FAXDC2: variants seen among roughly 807,000 people sequenced by gnomAD.
FAXDC2 encodes the protein fatty acid hydroxylase domain containing 2.
FAXDC2 carries 41 observed loss-of-function variants against 40.9 expected under a neutral mutation model. That is an observed-to-expected ratio of 1.00 (90% CI 0.78 to 1.30). The LOEUF (loss-of-function observed/expected upper bound fraction) is 1.30. Ranked by LOEUF, FAXDC2 falls within the 50% of genes most tolerant of loss-of-function variation. FAXDC2 has a pLI of 0.00. For synonymous variants in FAXDC2, 157 were observed against 149.3 expected (o/e 1.05, Z -0.38); for missense variants, 390 against 408.8 (o/e 0.95, Z 0.40).
intron 1 of FAXDC2, among the ~76,000 whole-genome samples, chr5:154,846,195 G>A (rs1561662322): frequency 6.6e-6 from 1 of 151,650 alleles, no homozygotes; most frequent in East Asian, 1.9e-4. Flanking sequence ...AAGAGCACAG[G>A]GTGAGTGTCA....
chr5:154,843,119 G>A (rs1268788649), intron 1 of FAXDC2, among the ~76,000 whole-genome samples: 1 of 152,238 alleles, frequency 6.6e-6, no homozygotes, highest in Admixed American at 6.5e-5. Flanking sequence ...TGTTAGGAAG[G>A]ATAAAAGGTT....
rs561703303 is a variant in FAXDC2, at chr5:154,822,480, C to G, written c.670G>C (p.Glu224Gln). Residue 224 changes from glutamate (E) to glutamine (Q), a missense_variant, in exon 7 of 9, where the codon GAG becomes CAG. Physicochemically the swap from Glu to Gln is conservative, Grantham distance 29. Transcript: ENST00000326080. ...GVISLYAHPI[E>Q]HAVSNMLPVI... ...CATAGAGCTCTACTCACTGCATGCT[C>G]TATAGGGTGGGCATAGAGAGAGATC... 4.3e-6 allele frequency: 7 copies of G among 1,612,466 alleles called. No individual in the cohort carries two copies. Among genetic ancestry groups the G allele is most frequent in the Non-Finnish European group, 5.9e-6 (7 of 1,178,628 alleles).
At chr5:154,829,274 G>T (rs1760129357) in intron 5 of FAXDC2, among the ~76,000 whole-genome samples, 1 of 152,212 alleles carries the variant, frequency 6.6e-6, no homozygotes, top group African/African-American at 2.4e-5. Context: ...AGCCATTCAG[G>T]CAGTGGGAGA....
At chr5:154,840,373 C>T (rs1330212811) in intron 1 of FAXDC2, among the ~76,000 whole-genome samples, 1 of 151,856 alleles carries the variant, frequency 6.6e-6, no homozygotes, top group African/African-American at 2.4e-5. Flanking sequence ...GAAATTACAC[C>T]CATGAACCCT....
chr5:154,844,178 A>G (rs1760543063), intron 1 of FAXDC2, among the ~76,000 whole-genome samples: 1 of 151,854 alleles, frequency 6.6e-6, no homozygotes, highest in South Asian at 2.1e-4. Flanking sequence ...AGATTGCGCC[A>G]CTGCACTCCA....
rs369454924 is a variant in FAXDC2, at chr5:154,838,156, A to G, written c.23T>C (p.Met8Thr). The G allele has an allele frequency of 1.9e-5, 30 of 1,613,658 alleles. No individual in the cohort carries two copies. Among genetic ancestry groups the G allele is most frequent in the Non-Finnish European group, 2.5e-5 (29 of 1,179,746 alleles). Reference sequence around the variant, plus strand: ...CTGCTTTGACTTTTCATTGTGTAGCATATGTCCAGCTTCTCCTTTCATCTG... The same window carrying G: ...CTGCTTTGACTTTTCATTGTGTAGCGTATGTCCAGCTTCTCCTTTCATCTG... MKGEAGH[M>T]LHNEKSKQEG... The change falls in exon 2 of 9, where the codon ATG (methionine) becomes ACG (threonine). Residue 8 changes from methionine (M) to threonine (T), a missense_variant. Transcript: ENST00000326080.
chr5:154,840,847 A>C (rs1405042420), intron 1 of FAXDC2, among the ~76,000 whole-genome samples: 1 of 152,160 alleles, frequency 6.6e-6, no homozygotes, highest in Non-Finnish European at 1.5e-5. Context: ...CACTGTGCCC[A>C]GCCCACATTT....
chr5:154,823,559 T>C lies in FAXDC2; in HGVS notation c.400A>G (p.Thr134Ala). The C allele has an allele frequency of 6.2e-7, 1 of 1,614,076 alleles. No homozygotes were observed. Among genetic ancestry groups the C allele is most frequent in the Non-Finnish European group, 8.5e-7 (1 of 1,180,002 alleles). Residue 134 changes from threonine (T) to alanine (A), a missense_variant, in exon 6 of 9, where the codon ACA becomes GCA. Physicochemically the swap from Thr to Ala is moderately conservative, Grantham distance 58 (BLOSUM62 0). Transcript: ENST00000326080. ...ATCATGCACTGGTTGAAAAGAACTG[T>C]GCGGATAGACTGGCGCAGTTTCACA... Reference protein sequence around the residue: ...DPVKLRQSIRTVLFNQCMISF... With the variant: ...DPVKLRQSIRAVLFNQCMISF...
intron 5 of FAXDC2, among the ~76,000 whole-genome samples, chr5:154,825,440 C>T (rs1760004216): frequency 1.3e-5 from 2 of 150,944 alleles, no homozygotes; most frequent in Admixed American, 6.6e-5. Context: ...AGGCAGATCA[C>T]GAGGTCAGGA....
At position 154,822,584 on chromosome 5, in the gene FAXDC2, A is replaced by AAATAGTT. The variant is rs1561651280; in HGVS notation, c.573-14_573-8dup. ...TGTTGGGTGGTGAAGGAGCCTGGGG[A>AAATAGTT]AATAGTTAATAGTTAATAACCTGCT... On this transcript the variant is annotated splice_region_variant and splice_polypyrimidine_tract_variant and intron_variant, in intron 6 of 8. Transcript: ENST00000326080. 1.2e-6 allele frequency: 2 copies of AAATAGTT among 1,607,694 alleles called. No individual in the cohort carries two copies. Among genetic ancestry groups the AAATAGTT allele is most frequent in the Non-Finnish European group, 1.7e-6 (2 of 1,174,344 alleles).
intron 2 of FAXDC2, among the ~76,000 whole-genome samples, chr5:154,837,188 ACT>A (rs1214927520): frequency 1.2e-4 from 18 of 151,782 alleles, no homozygotes; most frequent in African/African-American, 4.4e-4. Context: ...ATGCTCACTC[ACT>A]GACTCGCATT....
At chr5:154,837,407 G>A (rs149376293) in intron 2 of FAXDC2, among the ~76,000 whole-genome samples, 30 of 152,070 alleles carry the variant, frequency 2.0e-4, no homozygotes, top group Non-Finnish European at 4.0e-4. Flanking sequence ...GGGATTACAG[G>A]TGTGAGCCAC....
intron 6 of FAXDC2, among the ~76,000 whole-genome samples, chr5:154,823,111 A>C (rs1030733191): frequency 2.0e-5 from 3 of 152,178 alleles, no homozygotes; most frequent in South Asian, 2.1e-4. Flanking sequence ...TCCCGGGCTC[A>C]TGTGATCCTC....
rs1759855103 is a variant in FAXDC2, at chr5:154,820,441, G to A, written c.877C>T (p.Leu293=). 1.2e-6 allele frequency: 2 copies of A among 1,612,852 alleles called. No homozygotes were observed. The highest frequency in any genetic ancestry group is 1.7e-6 in the Non-Finnish European group (2 of 1,179,576). ...GTGTCAGTCCCATGGAGGTGGTCCA[G>A]CACACCCAGCACCCCATAGCACTGG... ...FNQCYGVLGV[L]DHLHGTDTMF... The change falls in exon 9 of 9, where the codon CTG becomes TTG. Residue 293 remains leucine, a synonymous_variant. Coordinates refer to ENST00000326080, the MANE Select transcript of FAXDC2 (RefSeq NM_032385.5).
chr5:154,820,448 C>A lies in FAXDC2; in HGVS notation c.870G>T (p.Leu290=). Residue 290 remains leucine (L), a synonymous_variant, in exon 9 of 9, where the codon CTG becomes CTT. Coordinates refer to ENST00000326080, the MANE Select transcript of FAXDC2 (RefSeq NM_032385.5). ...TCCCATGGAGGTGGTCCAGCACACCCAGCACCCCATAGCACTGGTTGAACC... is the reference window on the plus strand; with the variant it reads ...TCCCATGGAGGTGGTCCAGCACACCAAGCACCCCATAGCACTGGTTGAACC... ...HLKFNQCYGV[L]GVLDHLHGTD... is the part of the protein sequence containing the mutation. 1 of 1,612,946 alleles carries A rather than the reference C, an allele frequency of 6.2e-7. No homozygotes were observed. Among genetic ancestry groups the A allele is most frequent in the Non-Finnish European group, 8.5e-7 (1 of 1,179,520 alleles).
chr5:154,820,576 C>T (rs1759859908), intron 8 of FAXDC2, 104 bp from the exon 9 acceptor site: 8 of 839,654 alleles, frequency 9.5e-6, no homozygotes, highest in Non-Finnish European at 1.5e-5. Flanking sequence ...TCCTACCCCA[C>T]ACCTGTCACC....
intron 1 of FAXDC2, among the ~76,000 whole-genome samples, chr5:154,847,964 C>G (rs531396243): frequency 6.6e-6 from 1 of 151,858 alleles, no homozygotes; most frequent in East Asian, 2.0e-4. Flanking sequence ...CTCAGCCTCC[C>G]GAGTAGCTGG....
In FAXDC2 at chr5:154,823,504, G is replaced by T; in HGVS notation, c.455C>A (p.Pro152His). 2 of 1,614,130 alleles carry T rather than the reference G, an allele frequency of 1.2e-6. No individual in the cohort carries two copies. The highest frequency in any genetic ancestry group is 1.7e-6 in the Non-Finnish European group (2 of 1,179,986). ...ISFPMVVFLYPFLKWWRDPCR... is the reference protein window; with the variant it reads ...ISFPMVVFLYHFLKWWRDPCR... ...GGGGTCTCTCCACCATTTGAGGAAG[G>T]GATAGAGGAAGACCACCATGGGGAA... Residue 152 changes from proline (P) to histidine (H), a missense_variant, in exon 6 of 9, where the codon CCC becomes CAC. Pro to His is a moderately conservative substitution (Grantham distance 77). Transcript: ENST00000326080.
chr5:154,820,077 G>A lies in FAXDC2; in HGVS notation c.*239C>T. 1 of 425,992 alleles carries A rather than the reference G, an allele frequency of 2.3e-6. No individual in the cohort carries two copies. Among genetic ancestry groups the A allele is most frequent in the African/African-American group, 2.1e-5 (1 of 48,490 alleles). The allele number at this position is 425,992 out of a possible 1,614,324, so 26.4% of individuals were successfully genotyped here. A position where few individuals can be genotyped will look rare whatever the true frequency, so the allele number is the denominator to read the frequency against. Reference sequence around the variant, plus strand: ...CCCTCTGACCAGCCTCCAGTCTGGGGAGCTGTGTTTTCCTTTTTCTTAAGC... The same window carrying A: ...CCCTCTGACCAGCCTCCAGTCTGGGAAGCTGTGTTTTCCTTTTTCTTAAGC... On this transcript the variant is annotated 3_prime_UTR_variant, in exon 9 of 9. Coordinates refer to ENST00000326080, the MANE Select transcript of FAXDC2 (RefSeq NM_032385.5).
Sources: allele counts gnomAD v4.1 joint callset (sites outside exome capture counted in the v4.1 genomes callset), GRCh38; gene constraint gnomAD v4.1.1; transcripts MANE v1.5; gene names NCBI Gene and HGNC (gene_info 2026-07-23, HGNC 2026-07-21).